PTPN4: variants seen among roughly 807,000 people sequenced by gnomAD.
The protein encoded by PTPN4 is protein tyrosine phosphatase non-receptor type 4.
Under a neutral mutation model 135.5 loss-of-function variants are expected in PTPN4, and 49 were observed. The observed-to-expected ratio is 0.36, with a 90% CI of 0.29 to 0.46. PTPN4 has a LOEUF of 0.46. PTPN4 is among the 20% of genes least tolerant of loss of function. PTPN4 has a pLI of 1.00. For missense variants in PTPN4, 860 were observed against 1,101.0 expected, an observed-to-expected ratio of 0.78 and a Z score of 3.10; for synonymous variants, 333 against 369.9, an observed-to-expected ratio of 0.90 and a Z score of 1.14.
At chr2:119,962,841 A>G in intron 24 of PTPN4, 97 bp downstream of exon 24, 2 of 1,047,248 alleles carry the variant, frequency 1.9e-6, no homozygotes, top group East Asian at 2.9e-5. Context: ...TTGCTAGGAA[A>G]TACTATAAGA....
intron 2 of PTPN4, among the ~76,000 whole-genome samples, chr2:119,810,722 G>A (rs193082352): frequency 6.6e-6 from 1 of 152,068 alleles, no homozygotes; most frequent in Non-Finnish European, 1.5e-5. Flanking sequence ...CAACCTATAT[G>A]GAAAAGGTGA....
chr2:119,961,408 C>T (rs558600054), intron 23 of PTPN4, among the ~76,000 whole-genome samples: 14 of 152,188 alleles, frequency 9.2e-5, no homozygotes, highest in South Asian at 4.1e-4. Context: ...ATAAAAAGGA[C>T]GTATAAAAAC....
intron 2 of PTPN4, among the ~76,000 whole-genome samples, chr2:119,861,448 G>A (rs185237722): frequency 1.3e-5 from 2 of 152,224 alleles, no homozygotes; most frequent in East Asian, 1.9e-4. Context: ...TAAATGTAAC[G>A]AGAATAAACT....
chr2:119,768,764 G>A (rs1326865270), intron 1 of PTPN4, among the ~76,000 whole-genome samples: 3 of 152,134 alleles, frequency 2.0e-5, no homozygotes. Flanking sequence ...CTTGCTGTCA[G>A]GTCCATGTAG....
At chr2:119,830,966 A>G (rs543197342) in intron 2 of PTPN4, among the ~76,000 whole-genome samples, 2 of 152,292 alleles carry the variant, frequency 1.3e-5, no homozygotes, top group Admixed American at 6.5e-5. Context: ...CTTTGTAGCA[A>G]TATGAGAACA....
At chr2:119,908,441 G>A (rs1234844168) in intron 10 of PTPN4, among the ~76,000 whole-genome samples, 1 of 152,130 alleles carries the variant, frequency 6.6e-6, no homozygotes, top group East Asian at 1.9e-4. Context: ...TATTGTGTAT[G>A]TTATTGTATC....
chr2:119,966,018 T>C (rs1375893177), intron 25 of PTPN4, among the ~76,000 whole-genome samples: 1 of 152,186 alleles, frequency 6.6e-6, no homozygotes, highest in Non-Finnish European at 1.5e-5. Context: ...GAAATGTATT[T>C]CTTATACTTC....
intron 2 of PTPN4, among the ~76,000 whole-genome samples, chr2:119,823,130 G>C (rs1282207094): frequency 1.3e-5 from 2 of 151,870 alleles, no homozygotes; most frequent in Non-Finnish European, 2.9e-5. Context: ...GTTTATCAAG[G>C]CTCATTTTGT....
intron 12 of PTPN4, among the ~76,000 whole-genome samples, chr2:119,925,930 T>C (rs1678817652): frequency 6.6e-6 from 1 of 152,206 alleles, no homozygotes; most frequent in Non-Finnish European, 1.5e-5. Flanking sequence ...AAAATTCAAC[T>C]TGAAGTTTAA....
At chr2:119,862,667 A>G (rs770864280) in intron 3 of PTPN4, 24 bp downstream of exon 3, 1 of 1,561,832 alleles carries the variant, frequency 6.4e-7, no homozygotes, top group Admixed American at 1.7e-5. Context: ...TTTGTCTTTC[A>G]TTTTCATTTA....
intron 1 of PTPN4, among the ~76,000 whole-genome samples, chr2:119,789,881 C>G (rs1387134931): frequency 6.6e-6 from 1 of 151,844 alleles, no homozygotes; most frequent in Non-Finnish European, 1.5e-5. Flanking sequence ...TACCACCATG[C>G]TCAGCTAATT....
intron 13 of PTPN4, 28 bp downstream of exon 13, chr2:119,926,694 A>T (rs768932946): frequency 6.6e-7 from 1 of 1,523,646 alleles, no homozygotes; most frequent in Non-Finnish European, 8.9e-7. Context: ...CATTGTTTGA[A>T]TTTTTTTAAA....
intron 23 of PTPN4, 47 bp from the exon 24 acceptor site, chr2:119,962,569 T>C: frequency 9.5e-7 from 1 of 1,052,832 alleles, no homozygotes; most frequent in Non-Finnish European, 1.2e-6. Flanking sequence ...AGAACATGAA[T>C]CCATATGTAT....
At chr2:119,943,815 A>G (rs1484186088) in intron 15 of PTPN4, among the ~76,000 whole-genome samples, 1 of 151,430 alleles carries the variant, frequency 6.6e-6, no homozygotes, top group Admixed American at 6.6e-5. Context: ...GATGGTCTCA[A>G]TCTCCTGACC....
intron 23 of PTPN4, 80 bp from the exon 24 acceptor site, chr2:119,962,536 A>T (rs1465221973): frequency 6.5e-5 from 57 of 876,474 alleles, no homozygotes; most frequent in Non-Finnish European, 7.7e-5. Flanking sequence ...GAAATTTATT[A>T]AAAAAACATT....
chr2:119,942,624 T>C (rs1055583227), intron 15 of PTPN4, among the ~76,000 whole-genome samples: 6 of 152,214 alleles, frequency 3.9e-5, no homozygotes, highest in Non-Finnish European at 8.8e-5. Context: ...GTGGTTACAC[T>C]TAGGTCCAAG....
At chr2:119,825,885 G>A (rs1207924555) in intron 2 of PTPN4, among the ~76,000 whole-genome samples, 2 of 152,104 alleles carry the variant, frequency 1.3e-5, no homozygotes, top group Non-Finnish European at 2.9e-5. Flanking sequence ...ATCTCTATAT[G>A]TCATTGTGAA....
chr2:119,894,158 A>G (rs1315398684), intron 9 of PTPN4, among the ~76,000 whole-genome samples: 1 of 152,214 alleles, frequency 6.6e-6, no homozygotes, highest in African/African-American at 2.4e-5. Flanking sequence ...CTATTTCTGT[A>G]TTAAGAGCCA....
chr2:119,817,374 C>T (rs1244391597), intron 2 of PTPN4, among the ~76,000 whole-genome samples: 2 of 151,240 alleles, frequency 1.3e-5, no homozygotes, highest in African/African-American at 4.9e-5. Flanking sequence ...ATATATGTGC[C>T]CAACTTTTCT....
Sources: gnomAD v4.1 joint callset for allele counts (sites outside exome capture counted in the v4.1 genomes callset) on GRCh38, gnomAD v4.1.1 for gene constraint, MANE v1.5 for transcripts, NCBI Gene and HGNC (gene_info 2026-07-23, HGNC 2026-07-21) for gene names.